PTPRS: variants seen among roughly 807,000 people sequenced by gnomAD.
PTPRS encodes the protein protein tyrosine phosphatase receptor type S.
Under a neutral mutation model 215.3 loss-of-function variants are expected in PTPRS, and 63 were observed. The ratio of observed to expected loss-of-function variants is 0.29; its 90% CI spans 0.24 to 0.36. The LOEUF (loss-of-function observed/expected upper bound fraction) is 0.36. Ranked by LOEUF, PTPRS falls within the 10% of genes least tolerant of loss-of-function variation. The pLI is 1.00. For missense variants in PTPRS, 2,258 were observed against 2,825.8 expected, an observed-to-expected ratio of 0.80 and a Z score of 4.56; for synonymous variants, 1,404 against 1,191.4, an observed-to-expected ratio of 1.18 and a Z score of -3.68.
intron 2 of PTPRS, among the ~76,000 whole-genome samples, chr19:5,277,058 T>C (rs1341647600): frequency 6.8e-5 from 1 of 14,774 alleles, no homozygotes; most frequent in African/African-American, 6.6e-4. Context: ...GAGTTTTGTG[T>C]TTTTTTTTTT....
chr19:5,224,275 T>C (rs558202668), intron 17 of PTPRS, among the ~76,000 whole-genome samples: 5 of 152,262 alleles, frequency 3.3e-5, no homozygotes, highest in African/African-American at 1.2e-4. Flanking sequence ...GGAATCGTGC[T>C]CCAGGAAGAG....
chr19:5,214,858 G>A (rs748170027), intron 28 of PTPRS, 122 bp from the exon 29 acceptor site: 53 of 1,046,048 alleles, frequency 5.1e-5, no homozygotes, highest in Non-Finnish European at 7.2e-5. Flanking sequence ...AGGTGACCAT[G>A]GGACGTGTAC....
chr19:5,267,526 G>A (rs752461250), intron 4 of PTPRS, among the ~76,000 whole-genome samples: 90 of 151,886 alleles, frequency 5.9e-4, no homozygotes, highest in Non-Finnish European at 1.1e-3. Context: ...GCATGGTGGC[G>A]GACGCCTGTA....
At position 5,258,027 on chromosome 19, in the gene PTPRS, G is replaced by A. The variant is rs1157437368; in HGVS notation, c.696C>T (p.Leu232=). Residue 232 remains leucine (L), a synonymous_variant, in exon 8 of 38, where the codon CTC becomes CTT. Transcript: ENST00000262963. ...AGVRYSSPAN[L]YVRELREVRR... is the part of the protein sequence containing the mutation. ...CGCGGCGTTCCCTACCTCGCACGTA[G>A]AGGTTGGCAGGTGAGGAGTAGCGCA... 2 of 1,613,836 alleles carry A rather than the reference G, an allele frequency of 1.2e-6. No homozygotes were observed. Among genetic ancestry groups the A allele is most frequent in the Admixed American group, 3.3e-5 (2 of 60,006 alleles).
chr19:5,280,103 A>T (rs557451113), intron 2 of PTPRS, among the ~76,000 whole-genome samples: 2 of 152,352 alleles, frequency 1.3e-5, no homozygotes, highest in South Asian at 4.1e-4. Context: ...AGGTCTAACA[A>T]CTCAAACTTG....
intron 30 of PTPRS, among the ~76,000 whole-genome samples, chr19:5,212,783 C>T (rs1247390231): frequency 6.6e-6 from 1 of 151,594 alleles, no homozygotes; most frequent in Non-Finnish European, 1.5e-5. Context: ...GTGGAGATTG[C>T]AGTGAGCTGA....
chr19:5,265,750 G>C (rs955726778), intron 4 of PTPRS, among the ~76,000 whole-genome samples: 1 of 151,442 alleles, frequency 6.6e-6, no homozygotes, highest in Non-Finnish European at 1.5e-5. Context: ...ACTGGGCGAT[G>C]TCTGGGGATA....
chr19:5,227,937 C>T (rs1264926943), intron 16 of PTPRS, among the ~76,000 whole-genome samples: 1 of 152,080 alleles, frequency 6.6e-6, no homozygotes, highest in African/African-American at 2.4e-5. Flanking sequence ...AGCACACACG[C>T]ACCCCCCCAA....
chr19:5,276,410 A>G (rs2047366474), intron 2 of PTPRS, among the ~76,000 whole-genome samples: 1 of 151,720 alleles, frequency 6.6e-6, no homozygotes, highest in African/African-American at 2.4e-5. Flanking sequence ...TTTAGTAGAG[A>G]TGGGGTTTCA....
intron 1 of PTPRS, among the ~76,000 whole-genome samples, chr19:5,303,148 T>C (rs115681054): frequency 0.015 from 2,291 of 152,218 alleles, 66 homozygotes; most frequent in African/African-American, 0.053. Context: ...CCAAGTTCTC[T>C]TCCCAAGGGA....
At chr19:5,325,900 A>G (rs900162779) in intron 1 of PTPRS, among the ~76,000 whole-genome samples, 1 of 152,250 alleles carries the variant, frequency 6.6e-6, no homozygotes, top group South Asian at 2.1e-4. Flanking sequence ...AGCCTCCCAG[A>G]AAGTCCAGGA....
intron 3 of PTPRS, 48 bp from the exon 4 acceptor site, chr19:5,273,631 G>A: frequency 6.2e-7 from 1 of 1,610,082 alleles, no homozygotes; most frequent in Non-Finnish European, 8.5e-7. Context: ...GGGGTCCCAG[G>A]AAGGTTCCTG....
intron 37 of PTPRS, among the ~76,000 whole-genome samples, chr19:5,207,477 G>A (rs1318949712): frequency 6.6e-6 from 1 of 152,228 alleles, no homozygotes; most frequent in Non-Finnish European, 1.5e-5. Context: ...AAAGTGCTGG[G>A]ATTACAGGTG....
chr19:5,231,602 G>C lies in PTPRS; in HGVS notation c.1863C>G (p.Pro621=), dbSNP rs762840667. ...CGCTGACACATTTAACGTCTTGAGG[G>C]GGGGCTGACGGTTCTATTGGAGGGG... The part of the protein sequence containing the change: ...QRTLQSKPSA[P]PQDVKCVSVR... Residue 621 remains proline, a synonymous_variant, in exon 14 of 38, where the codon CCC becomes CCG. Coordinates refer to ENST00000262963, the MANE Select transcript of PTPRS (RefSeq NM_002850.4). 19 of 1,439,854 alleles carry C rather than the reference G, an allele frequency of 1.3e-5. No individual in the cohort carries two copies. The highest frequency in any genetic ancestry group is 2.2e-5 in the Admixed American group (1 of 45,246). The allele number at this position is 1,439,854 out of a possible 1,614,324, so 89.2% of individuals were successfully genotyped here.
In PTPRS at chr19:5,287,140, C is replaced by G. The variant is rs1599965617; in HGVS notation, c.-94-906G>C. Among the ~76,000 whole-genome samples, 1 of 152,128 alleles carries G rather than the reference C, an allele frequency of 6.6e-6. No individual in the cohort carries two copies. Among genetic ancestry groups the G allele is most frequent in the South Asian group, 2.1e-4 (1 of 4,832 alleles). On this transcript the variant is annotated intron_variant, in intron 1 of 37. Transcript: ENST00000262963. The surrounding 1 kb of genome is among the most constrained non-coding windows in gnomAD (Gnocchi z 4.8). The stretch of plus-strand genomic sequence containing the variant: ...CGCTTGGAGGTACAGCCAGGCCAGC[C>G]AAGCTCAGTCCCACCTCCAAGCCTT...
chr19:5,303,622 C>T (rs776100919), intron 1 of PTPRS, among the ~76,000 whole-genome samples: 17 of 151,822 alleles, frequency 1.1e-4, no homozygotes, highest in African/African-American at 3.9e-4. Context: ...GTCCAGAGAG[C>T]GGGCAGAGTG....
At chr19:5,239,731 T>TACAGAG (rs949394278) in intron 12 of PTPRS, among the ~76,000 whole-genome samples, 12 of 136,956 alleles carry the variant, frequency 8.8e-5, no homozygotes, top group Middle Eastern at 5.4e-3. Flanking sequence ...AAGAAACAGA[T>TACAGAG]ACAGAGACAG....
chr19:5,218,814 GAC>G lies in PTPRS; in HGVS notation c.3924-18_3924-17del. ...GTCGGGTTTGCTGTTCCCGAAAGCA[GAC>G]ACAGGTGAGAAGGGGGAAAAAAAGA... On this transcript the variant is annotated splice_polypyrimidine_tract_variant and intron_variant, in intron 23 of 37. Coordinates refer to ENST00000262963, the MANE Select transcript of PTPRS (RefSeq NM_002850.4). 6.3e-7 allele frequency: 1 copy of G among 1,599,214 alleles called. No homozygotes were observed. The highest frequency in any genetic ancestry group is 8.5e-7 in the Non-Finnish European group (1 of 1,174,368).
intron 15 of PTPRS, 35 bp downstream of exon 15, chr19:5,229,456 G>GCCCGTC (rs761497420): frequency 3.6e-6 from 5 of 1,383,822 alleles, no homozygotes; most frequent in African/African-American, 1.5e-5. Flanking sequence ...CCCGCCCGGA[G>GCCCGTC]CCCGTCCCCG....
Sources: allele counts gnomAD v4.1 joint callset (sites outside exome capture counted in the v4.1 genomes callset), GRCh38; gene constraint gnomAD v4.1.1; non-coding constraint Gnocchi (gnomAD v3.1); transcripts MANE v1.5; gene names NCBI Gene and HGNC (gene_info 2026-07-23, HGNC 2026-07-21).